AUTS2: variants seen among roughly 807,000 people sequenced by gnomAD.
AUTS2 encodes the protein autism susceptibility gene 2 protein.
Under a neutral mutation model 112.4 loss-of-function variants are expected in AUTS2, and 17 were observed. The ratio of observed to expected loss-of-function variants is 0.15; its 90% CI spans 0.10 to 0.23. The LOEUF (loss-of-function observed/expected upper bound fraction) is 0.23. Among genes scored for constraint, AUTS2 ranks in the 10% least tolerant of loss-of-function variants. The probability of loss-of-function intolerance (pLI) is 1.00; values close to 1 mark genes in which losing one functional copy is unlikely to be tolerated. For missense variants in AUTS2, 1,510 were observed against 1,701.6 expected, an observed-to-expected ratio of 0.89 and a Z score of 1.98; for synonymous variants, 751 against 702.7, an observed-to-expected ratio of 1.07 and a Z score of -1.09.
chr7:70,009,389 T>A (rs1203250641), intron 2 of AUTS2, among the ~76,000 whole-genome samples: 1 of 152,224 alleles, frequency 6.6e-6, no homozygotes. Context: ...AGAGGGAAGT[T>A]TAACATTTGT....
In AUTS2 at chr7:70,781,707, C is replaced by A; in HGVS notation, c.2097C>A (p.Ile699=). ...CAGGCCCCAGTCTTTTTGGAGCCAT[C>A]CACCACCCCCATGACCTGGCACGGC... is the stretch of plus-strand genomic sequence containing the variant. ...RPPGPSLFGA[I]HHPHDLARPS... Residue 699 remains isoleucine (I), a synonymous_variant, in exon 15 of 19, where the codon ATC becomes ATA. Transcript: ENST00000342771. 6.2e-7 allele frequency: 1 copy of A among 1,614,200 alleles called. No individual in the cohort carries two copies. Among genetic ancestry groups the A allele is most frequent in the Non-Finnish European group, 8.5e-7 (1 of 1,180,044 alleles).
chr7:70,214,420 AT>A (rs140531350), intron 4 of AUTS2, among the ~76,000 whole-genome samples: 3,051 of 152,248 alleles, frequency 0.02, 118 homozygotes, highest in African/African-American at 0.07. Flanking sequence ...TTTAGCATTC[AT>A]TTTCAACTTA....
rs534032498 is a variant in AUTS2 at position 69,762,293 on chromosome 7, CTTTTTTTTTTTTTTT to C, written c.310-136976_310-136962del. 3.3e-3 allele frequency among the ~76,000 whole-genome samples: 203 copies of C among 61,606 alleles called. 6 individuals carry two copies. In the East Asian group the frequency reaches 0.072, roughly 22 times the overall value. 40.4% of individuals were successfully genotyped at this position (61,606 alleles called of 152,430 possible). A position where few individuals can be genotyped will look rare whatever the true frequency, so the allele number is the denominator to read the frequency against. On this transcript the variant is annotated intron_variant, in intron 1 of 18. Coordinates refer to ENST00000342771, the MANE Select transcript of AUTS2 (RefSeq NM_015570.4). ...TTCCCAAACATTTTAGCCAAGTTGT[CTTTTTTTTTTTTTTT>C]TTTTTTTTTTTTTTTTGAGATGGGG...
intron 2 of AUTS2, among the ~76,000 whole-genome samples, chr7:70,055,949 G>C (rs548491873): frequency 6.6e-6 from 1 of 151,996 alleles, no homozygotes; most frequent in African/African-American, 2.4e-5. Flanking sequence ...CTGCCAAACT[G>C]CTGAGATTAT....
At chr7:69,742,994 T>C (rs1787333566) in intron 1 of AUTS2, among the ~76,000 whole-genome samples, 1 of 152,226 alleles carries the variant, frequency 6.6e-6, no homozygotes, top group South Asian at 2.1e-4. Context: ...ACTCTACTGA[T>C]GGGGAAGGCC....
chr7:69,936,880 C>A (rs1249337640), intron 2 of AUTS2, among the ~76,000 whole-genome samples: 1 of 152,172 alleles, frequency 6.6e-6, no homozygotes, highest in Non-Finnish European at 1.5e-5. Flanking sequence ...GTCCCTTTCT[C>A]CTTTTTCTCT....
intron 1 of AUTS2, among the ~76,000 whole-genome samples, chr7:69,636,710 G>A (rs1794558213): frequency 6.6e-6 from 1 of 151,972 alleles, no homozygotes; most frequent in African/African-American, 2.4e-5. Context: ...TTTGTAGTAT[G>A]CTTTTTTTTC....
At chr7:69,693,014 A>G (rs918370660) in intron 1 of AUTS2, among the ~76,000 whole-genome samples, 6 of 152,180 alleles carry the variant, frequency 3.9e-5, no homozygotes, top group Non-Finnish European at 8.8e-5. Flanking sequence ...GGCATTTTCA[A>G]GTGTTATGGT....
At chr7:69,984,826 T>G (rs915722175) in intron 2 of AUTS2, among the ~76,000 whole-genome samples, 1 of 152,162 alleles carries the variant, frequency 6.6e-6, no homozygotes, top group Non-Finnish European at 1.5e-5. Flanking sequence ...TTTGTGGGCC[T>G]CTGCAGATGA....
At chr7:70,135,976 C>A (rs1014681028) in intron 4 of AUTS2, among the ~76,000 whole-genome samples, 2 of 152,164 alleles carry the variant, frequency 1.3e-5, no homozygotes. Context: ...AAGCCACTAC[C>A]TTAGTCCTTG....
chr7:70,234,422 C>G (rs957878104), intron 4 of AUTS2, among the ~76,000 whole-genome samples: 1 of 152,110 alleles, frequency 6.6e-6, no homozygotes, highest in African/African-American at 2.4e-5. Context: ...TCCTTTTACA[C>G]TTTTTCATTC....
Position 69,754,157 on chromosome 7 carries a change from G to C in AUTS2, c.310-145129G>C, listed in dbSNP as rs188444012. ...TGGAAGAGGAGGTTAAAGAAGGTCG[G>C]GTTACCAAGCACCTCTCTTCATGCC... is the stretch of plus-strand genomic sequence containing the variant. On this transcript the variant is annotated intron_variant, in intron 1 of 18. Coordinates refer to ENST00000342771, the MANE Select transcript of AUTS2 (RefSeq NM_015570.4). Among the ~76,000 whole-genome samples, 11 of 152,238 alleles carry C rather than the reference G, an allele frequency of 7.2e-5. 1 individual carries two copies. The East Asian group carries it at 1.2e-3, about 16-fold the overall frequency.
At chr7:69,887,392 G>A (rs1794324362) in intron 1 of AUTS2, among the ~76,000 whole-genome samples, 1 of 149,658 alleles carries the variant, frequency 6.7e-6, no homozygotes. Context: ...CTCCAGCCTG[G>A]GTAATAGAGC....
chr7:70,174,132 T>C (rs1808858606), intron 4 of AUTS2, among the ~76,000 whole-genome samples: 1 of 152,194 alleles, frequency 6.6e-6, no homozygotes, highest in South Asian at 2.1e-4. Flanking sequence ...AAGGAAATAA[T>C]AGGTGCTACT....
rs1202186804 is a variant in AUTS2, at chr7:70,373,862, T to C, written c.661-61890T>C. Among the ~76,000 whole-genome samples, 3 of 152,342 alleles carry C rather than the reference T, an allele frequency of 2.0e-5. No individual in the cohort carries two copies. The East Asian group carries it at 5.8e-4, about 29-fold the overall frequency. The stretch of plus-strand genomic sequence containing the variant: ...TCTGTTCATATTTAGTGAACATAAT[T>C]TAGTGAATCGTATATACTGTTTAGA... On this transcript the variant is annotated intron_variant, in intron 4 of 18. Transcript: ENST00000342771.
intron 1 of AUTS2, among the ~76,000 whole-genome samples, chr7:69,817,726 G>A (rs750810655): frequency 2.0e-5 from 3 of 152,122 alleles, no homozygotes; most frequent in Non-Finnish European, 4.4e-5. Context: ...TTAAACCATG[G>A]CCTGCCTTGG....
intron 5 of AUTS2, among the ~76,000 whole-genome samples, chr7:70,641,354 C>G (rs1434698725): frequency 1.3e-5 from 2 of 152,080 alleles, no homozygotes; most frequent in Admixed American, 6.6e-5. Flanking sequence ...TCAAGACCAT[C>G]CTGGCTAACA....
chr7:70,088,192 C>T (rs1803711081), intron 2 of AUTS2, among the ~76,000 whole-genome samples: 1 of 152,074 alleles, frequency 6.6e-6, no homozygotes, highest in Non-Finnish European at 1.5e-5. Context: ...GGCGTGATCT[C>T]AGATCACTGC....
intron 4 of AUTS2, among the ~76,000 whole-genome samples, chr7:70,430,696 C>G (rs1340902561): frequency 2.0e-5 from 3 of 152,078 alleles, no homozygotes. Flanking sequence ...CAGTCGCAGA[C>G]AGCAATATTG....
Sources: allele counts gnomAD v4.1 joint callset (sites outside exome capture counted in the v4.1 genomes callset), GRCh38; gene constraint gnomAD v4.1.1; transcripts MANE v1.5; gene names NCBI Gene and HGNC (gene_info 2026-07-23, HGNC 2026-07-21).